The following AGL variants were observed in gnomAD, a reference collection of about 807,000 sequenced individuals.
AGL encodes the protein glycogen debranching enzyme.
In AGL, 128 loss-of-function variants were observed where a neutral mutation model predicts 199.3. That is an observed-to-expected ratio of 0.64 (90% CI 0.56 to 0.74). The LOEUF is 0.74. Among genes scored for constraint, AGL ranks in the 30% least tolerant of loss-of-function variants. The probability of loss-of-function intolerance (pLI) is 0.00; values close to 1 mark genes in which losing one functional copy is unlikely to be tolerated. For missense variants in AGL, 1,809 were observed against 1,820.8 expected, an observed-to-expected ratio of 0.99 and a Z score of 0.12; for synonymous variants, 584 against 594.7, an observed-to-expected ratio of 0.98 and a Z score of 0.26.
intron 33 of AGL, among the ~76,000 whole-genome samples, chr1:99,919,347 C>T (rs1429962043): frequency 6.6e-6 from 1 of 152,154 alleles, no homozygotes; most frequent in Non-Finnish European, 1.5e-5. Context: ...AAATTCTGTC[C>T]ATACTACTTC....
chr1:99,891,407 T>G (rs1027762202), intron 22 of AGL, 51 bp downstream of exon 22: 13 of 1,589,900 alleles, frequency 8.2e-6, no homozygotes, highest in African/African-American at 1.3e-5. Context: ...TAATAATAAA[T>G]ATTACCATGT....
In AGL at chr1:99,922,484, T is replaced by C. The variant is rs552773276; in HGVS notation, c.*833T>C. 1 of 151,924 alleles carries C rather than the reference T, an allele frequency of 6.6e-6. No individual in the cohort carries two copies. The highest frequency in any genetic ancestry group is 2.4e-5 in the African/African-American group (1 of 41,562). 9.4% of individuals were successfully genotyped at this position (151,924 alleles called of 1,614,324 possible). A position where few individuals can be genotyped will look rare whatever the true frequency, so the allele number is the denominator to read the frequency against. On this transcript the variant is annotated 3_prime_UTR_variant, in exon 34 of 34. Coordinates refer to ENST00000361915, the MANE Select transcript of AGL (RefSeq NM_000642.3). ...TCAAAAATCTATTGCTAGATCATAG[T>C]AGATACTGGTTTTCTATTAACTCAA...
intron 10 of AGL, 69 bp downstream of exon 10, chr1:99,875,524 A>T (rs1651450054): frequency 3.0e-6 from 4 of 1,323,262 alleles, no homozygotes; most frequent in Non-Finnish European, 4.3e-6. Flanking sequence ...TTTTGAAATT[A>T]ACCTAAATGT....
At chr1:99,887,382 C>A (rs1652531790) in intron 20 of AGL, among the ~76,000 whole-genome samples, 1 of 152,110 alleles carries the variant, frequency 6.6e-6, no homozygotes, top group Non-Finnish European at 1.5e-5. Flanking sequence ...GAGAAAAATC[C>A]TGGTTTCTTG....
intron 2 of AGL, among the ~76,000 whole-genome samples, chr1:99,860,283 A>ATT (rs1649926423): frequency 1.3e-5 from 2 of 151,796 alleles, no homozygotes; most frequent in South Asian, 4.1e-4. Flanking sequence ...TATATATTAA[A>ATT]TAGGTAAATA....
At chr1:99,872,330 T>C (rs1651088031) in intron 7 of AGL, among the ~76,000 whole-genome samples, 2 of 152,202 alleles carry the variant, frequency 1.3e-5, no homozygotes, top group Admixed American at 6.5e-5. Flanking sequence ...GTACACCTTA[T>C]GTTTACTTGC....
In AGL at chr1:99,898,107, C is replaced by T. The variant is rs150902882; in HGVS notation, c.3362+1719C>T. On this transcript the variant is annotated intron_variant, in intron 25 of 33. Coordinates refer to ENST00000361915, the MANE Select transcript of AGL (RefSeq NM_000642.3). ...TGTCACTCAGGCTGGAGTGCAGTGGCGCAATCTCCGCTCACTGCAAGCTCC... is the reference window on the plus strand; with the variant it reads ...TGTCACTCAGGCTGGAGTGCAGTGGTGCAATCTCCGCTCACTGCAAGCTCC... Among the ~76,000 whole-genome samples the T allele has an allele frequency of 3.3e-3, 497 of 149,194 alleles. 3 individuals are homozygous for T. The highest frequency in any genetic ancestry group is 5.2e-3 in the Non-Finnish European group (351 of 67,640).
chr1:99,875,405 C>T lies in AGL; in HGVS notation c.1233C>T (p.Gly411=). 1 of 1,614,120 alleles carries T rather than the reference C, an allele frequency of 6.2e-7. No individual in the cohort carries two copies. Among genetic ancestry groups the T allele is most frequent in the Non-Finnish European group, 8.5e-7 (1 of 1,180,008 alleles). Residue 411 remains glycine (G), a synonymous_variant, in exon 10 of 34, where the codon GGC becomes GGT. Transcript: ENST00000361915. ...LGNVFYERLA[G]HGPKLGPVTR... is the part of the protein sequence containing the mutation. ...ATGTGTTTTATGAACGACTGGCTGGCCATGGTCCAAAACTAGGACCTGTCA... is the reference window on the plus strand; with the variant it reads ...ATGTGTTTTATGAACGACTGGCTGGTCATGGTCCAAAACTAGGACCTGTCA...
In AGL at chr1:99,880,700, G is replaced by A. The variant is rs1651940696; in HGVS notation, c.1804G>A (p.Gly602Arg). 6.2e-7 allele frequency: 1 copy of A among 1,613,898 alleles called. No individual in the cohort carries two copies. Among genetic ancestry groups the A allele is most frequent in the African/African-American group, 1.3e-5 (1 of 74,914 alleles). ...TTACCGATATGGAGGAGAACCTGTT[G>A]GATCCTTTGTTCAGCCCTGTTTGAG... Reference protein sequence around the residue: ...LVYRYGGEPVGSFVQPCLRPL... With the variant: ...LVYRYGGEPVRSFVQPCLRPL... Residue 602 changes from glycine to arginine, a missense_variant, in exon 14 of 34, where the codon GGA becomes AGA. By Grantham distance (125) the Gly-to-Arg change is moderately radical (BLOSUM62 -2). Coordinates refer to ENST00000361915, the MANE Select transcript of AGL (RefSeq NM_000642.3).
In AGL at chr1:99,851,028, C is replaced by G. The variant is rs1395050212; in HGVS notation, c.-15C>G. ...TTAATTCTTATGAAAGATTTCAAATCCTCTAGAAGCCAAAATGGGACACAG... is the reference window on the plus strand; with the variant it reads ...TTAATTCTTATGAAAGATTTCAAATGCTCTAGAAGCCAAAATGGGACACAG... On this transcript the variant is annotated 5_prime_UTR_variant, in exon 2 of 34. It adds an upstream start codon to the 5' untranslated region. Transcript: ENST00000361915. The G allele has an allele frequency of 6.2e-7, 1 of 1,606,808 alleles. No homozygotes were observed. Among genetic ancestry groups the G allele is most frequent in the Admixed American group, 1.7e-5 (1 of 60,006 alleles).
Position 99,915,308 on chromosome 1 carries a change from G to A in AGL, c.4162-81G>A, listed in dbSNP as rs1655030990. The stretch of plus-strand genomic sequence containing the variant: ...TGGTATTTTAAGTAATTTTTTTCAA[G>A]CTTATGAATAGTTTCTGTGGGTAGG... On this transcript the variant is annotated intron_variant, in intron 30 of 33. Transcript: ENST00000361915. 3.4e-6 allele frequency: 4 copies of A among 1,185,388 alleles called. No homozygotes were observed. In the Admixed American group the frequency reaches 6.9e-5, roughly 21 times the overall value. The allele number at this position is 1,185,388 out of a possible 1,614,324, so 73.4% of individuals were successfully genotyped here.
At chr1:99,856,350 CCCTCCCTCCCTCCCTT>C (rs1557741604) in intron 2 of AGL, among the ~76,000 whole-genome samples, 22 of 65,606 alleles carry the variant, frequency 3.4e-4, no homozygotes, top group South Asian at 6.8e-4. Context: ...CTCCCTCCCT[CCCTCCCTCCCTCCCTT>C]CCTTCCTCCC....
At chr1:99,910,628 A>C (rs1654672397) in intron 27 of AGL, 84 bp from the exon 28 acceptor site, 9 of 708,884 alleles carry the variant, frequency 1.3e-5, no homozygotes, top group Non-Finnish European at 1.8e-5. Flanking sequence ...ATTATATTTA[A>C]AATTTTGTAA....
In AGL at chr1:99,922,517, A is replaced by G. The variant is rs1655583075; in HGVS notation, c.*866A>G. The stretch of plus-strand genomic sequence containing the variant: ...GGTTTTCTATTAACTCAAAACCTAC[A>G]TTGACAAGTTTAACATTGAGAAGAA... On this transcript the variant is annotated 3_prime_UTR_variant, in exon 34 of 34. Coordinates refer to ENST00000361915, the MANE Select transcript of AGL (RefSeq NM_000642.3). The G allele has an allele frequency of 6.6e-6, 1 of 151,820 alleles. No individual in the cohort carries two copies. The highest frequency in any genetic ancestry group is 2.4e-5 in the African/African-American group (1 of 41,462). The allele number at this position is 151,820 out of a possible 1,614,324, so 9.4% of individuals were successfully genotyped here.
chr1:99,854,165 G>T (rs1470578348), intron 2 of AGL, among the ~76,000 whole-genome samples: 2 of 152,086 alleles, frequency 1.3e-5, no homozygotes, highest in Non-Finnish European at 2.9e-5. Context: ...TTGCACTCCA[G>T]CCTGGGCAAC....
intron 2 of AGL, among the ~76,000 whole-genome samples, chr1:99,857,847 A>AGGGAGACCGTGGGGAGGGGGAGGGGGG (rs1649685231): frequency 8.5e-4 from 7 of 8,220 alleles, no homozygotes; most frequent in African/African-American, 1.9e-3. Context: ...GGGGAGGGGG[A>AGGGAGACCGTGGGGAGGGGGAGGGGGG]GGGGGGAAGA....
At chr1:99,911,925 ATAAT>A (rs1402014805) in intron 28 of AGL, among the ~76,000 whole-genome samples, 1 of 152,210 alleles carries the variant, frequency 6.6e-6, no homozygotes, top group Non-Finnish European at 1.5e-5. Context: ...TCTACAAAAA[ATAAT>A]TAATAAATAA....
chr1:99,864,422 T>C lies in AGL; in HGVS notation c.497T>C (p.Leu166Pro). ...ATTCATTTTACCCCATTGCAGACTC[T>C]TGGACTATCTAGGTCATGCTACTCC... Reference protein sequence around the residue: ...NMIHFTPLQTLGLSRSCYSLA... With the variant: ...NMIHFTPLQTPGLSRSCYSLA... Residue 166 changes from leucine (L) to proline (P), a missense_variant, in exon 5 of 34, where the codon CTT (leucine) becomes CCT (proline). Physicochemically the swap from Leu to Pro is moderately conservative, Grantham distance 98 (BLOSUM62 -3). Coordinates refer to ENST00000361915, the MANE Select transcript of AGL (RefSeq NM_000642.3). 1.2e-6 allele frequency: 2 copies of C among 1,614,010 alleles called. No homozygotes were observed. The highest frequency in any genetic ancestry group is 1.1e-5 in the South Asian group (1 of 91,078).
intron 25 of AGL, 113 bp downstream of exon 25, chr1:99,896,501 C>A: frequency 1.2e-6 from 1 of 836,578 alleles, no homozygotes; most frequent in Non-Finnish European, 2.0e-6. Context: ...GCTGTATTTT[C>A]TTTAGGTAGT....
Sources: allele counts gnomAD v4.1 joint callset (sites outside exome capture counted in the v4.1 genomes callset), GRCh38; gene constraint gnomAD v4.1.1; transcripts MANE v1.5; gene names NCBI Gene and HGNC (gene_info 2026-07-23, HGNC 2026-07-21).